The following TENM2 variants were observed in gnomAD, a reference collection of about 807,000 sequenced individuals.
The protein encoded by TENM2 is teneurin-2.
Under a neutral mutation model 245.2 loss-of-function variants are expected in TENM2, and 52 were observed. The observed-to-expected ratio is 0.21, with a 90% confidence interval of 0.17 to 0.27. The LOEUF is 0.27. Among genes scored for constraint, TENM2 ranks in the 10% least tolerant of loss-of-function variants. The pLI, the probability that TENM2 is intolerant of heterozygous loss-of-function variation, is 1.00. For missense variants in TENM2, 3,046 were observed against 3,666.8 expected (o/e 0.83, Z 4.37); for synonymous variants, 1,363 against 1,438.9 (o/e 0.95, Z 1.19).
At chr5:167,043,353 G>C in the TENM2 span, among the ~76,000 whole-genome samples, 6 of 152,182 alleles carry the variant, frequency 3.9e-5, no homozygotes, top group Non-Finnish European at 1.5e-5. Flanking sequence ...GCAATTTGCA[G>C]ATACAGTCAA....
intron 2 of TENM2, among the ~76,000 whole-genome samples, chr5:167,438,626 T>C (rs1351283674): frequency 1.3e-5 from 2 of 152,190 alleles, no homozygotes; most frequent in Non-Finnish European, 2.9e-5. Context: ...CTCGATCTCC[T>C]GACCTCGTGA....
At chr5:168,148,920 TTGATA>T (rs746738096) in intron 12 of TENM2, among the ~76,000 whole-genome samples, 9,239 of 133,824 alleles carry the variant, frequency 0.069, 308 homozygotes, top group Non-Finnish European at 0.078. Context: ...GATAGATAGA[TTGATA>T]GATAGCACAA....
the TENM2 span, among the ~76,000 whole-genome samples, chr5:167,221,956 A>AAG: frequency 6.6e-6 from 1 of 152,208 alleles, no homozygotes; most frequent in Non-Finnish European, 1.5e-5. Context: ...CAGCAAATGC[A>AAG]GTGGAATATT....
At position 168,118,199 on chromosome 5, in the gene TENM2, C is replaced by T. The variant is rs150806603; in HGVS notation, c.1814-93C>T. On this transcript the variant is annotated intron_variant, in intron 9 of 28. Transcript: ENST00000518659. ...CCAGCCTAGAACACTGTAAGCCAAG[C>T]CCCAAGGCCAGACAGCTCTACCTCC... 5.7e-4 allele frequency: 615 copies of T among 1,086,304 alleles called. 19 individuals carry two copies. The East Asian group carries it at 0.015, about 27-fold the overall frequency. The allele number at this position is 1,086,304 out of a possible 1,614,324, so 67.3% of individuals were successfully genotyped here. A position where few individuals can be genotyped will look rare whatever the true frequency, so the allele number is the denominator to read the frequency against.
Position 167,635,633 on chromosome 5 carries a change from C to CTTTTTTTTTTTTTTTTTTTTTTT in TENM2, c.503-240346_503-240324dup, listed in dbSNP as rs76155764. Among the ~76,000 whole-genome samples the CTTTTTTTTTTTTTTTTTTTTTTT allele has an allele frequency of 6.4e-4, 48 of 74,942 alleles. 7 individuals carry two copies. Among genetic ancestry groups the CTTTTTTTTTTTTTTTTTTTTTTT allele is most frequent in the East Asian group, 3.5e-3 (6 of 1,710 alleles). The allele number at this position is 74,942 out of a possible 152,430, so 49.2% of individuals were successfully genotyped here. ...GGAATCTGGCTATGATCAGTACAGTCTTTTTTTTTTTTTTTTTTTTTTTTT... is the reference window on the plus strand; with the variant it reads ...GGAATCTGGCTATGATCAGTACAGTCTTTTTTTTTTTTTTTTTTTTTTTTTTTTTTTTTTTTTTTTTTTTTTTT... On this transcript the variant is annotated intron_variant, in intron 2 of 28. Coordinates refer to ENST00000518659, the Ensembl canonical transcript of TENM2.
intron 6 of TENM2, among the ~76,000 whole-genome samples, chr5:168,055,475 C>G (rs1789457826): frequency 6.6e-6 from 1 of 152,220 alleles, no homozygotes; most frequent in Non-Finnish European, 1.5e-5. Flanking sequence ...GCAGTTTTCT[C>G]TGACCATCGT....
At chr5:167,124,867 T>A in the TENM2 span, among the ~76,000 whole-genome samples, 2 of 152,180 alleles carry the variant, frequency 1.3e-5, no homozygotes. Flanking sequence ...AGATCTAAGA[T>A]AGCTAAATGT....
intron 2 of TENM2, among the ~76,000 whole-genome samples, chr5:167,872,102 G>A (rs904942385): frequency 4.0e-5 from 6 of 151,816 alleles, no homozygotes; most frequent in African/African-American, 1.5e-4. Flanking sequence ...AGACCAGCCT[G>A]GGCAACATAG....
chr5:167,676,595 G>A (rs959987551), intron 2 of TENM2, among the ~76,000 whole-genome samples: 3 of 152,046 alleles, frequency 2.0e-5, no homozygotes, highest in Admixed American at 1.3e-4. Flanking sequence ...GAGTGATCAC[G>A]GTTAAGGGGT....
intron 2 of TENM2, among the ~76,000 whole-genome samples, chr5:167,737,555 C>G (rs1561722275): frequency 6.6e-6 from 1 of 152,138 alleles, no homozygotes; most frequent in South Asian, 2.1e-4. Context: ...TTAATGTGTA[C>G]CCGCTGAGGG....
intron 2 of TENM2, among the ~76,000 whole-genome samples, chr5:167,779,735 G>A (rs1165881502): frequency 6.6e-6 from 1 of 152,186 alleles, no homozygotes; most frequent in African/African-American, 2.4e-5. Flanking sequence ...GAACAAACAA[G>A]TCTCAGAGAG....
At chr5:167,923,487 A>T (rs1303273325) in intron 3 of TENM2, among the ~76,000 whole-genome samples, 1 of 152,196 alleles carries the variant, frequency 6.6e-6, no homozygotes, top group Non-Finnish European at 1.5e-5. Flanking sequence ...AATTACCTGT[A>T]TAATCTCAGA....
intron 1 of TENM2, among the ~76,000 whole-genome samples, chr5:167,337,112 A>G (rs1302883393): frequency 9.1e-6 from 1 of 109,430 alleles, no homozygotes; most frequent in Admixed American, 1.4e-4. Flanking sequence ...CGACAGAGGG[A>G]GACTCCGTCT....
chr5:167,998,297 C>T (rs1408332038), intron 5 of TENM2, among the ~76,000 whole-genome samples: 1 of 152,186 alleles, frequency 6.6e-6, no homozygotes, highest in Non-Finnish European at 1.5e-5. Context: ...GGTTTTCCAA[C>T]AGATTGTAAT....
At chr5:167,960,236 G>A (rs750510927) in intron 4 of TENM2, among the ~76,000 whole-genome samples, 6 of 152,218 alleles carry the variant, frequency 3.9e-5, no homozygotes, top group Non-Finnish European at 4.4e-5. Flanking sequence ...TGGGAGATCC[G>A]CTGCTCTCTT....
the TENM2 span, among the ~76,000 whole-genome samples, chr5:166,991,385 C>G: frequency 6.6e-6 from 1 of 150,436 alleles, no homozygotes; most frequent in East Asian, 1.9e-4. Context: ...TTTTTTTTCT[C>G]TAGGGGGAAA....
the TENM2 span, among the ~76,000 whole-genome samples, chr5:167,011,435 C>T: frequency 6.6e-6 from 1 of 152,190 alleles, no homozygotes; most frequent in Admixed American, 6.5e-5. Context: ...AGTGCATGGA[C>T]AGGCACAGAG....
At chr5:167,520,602 G>A (rs1047344638) in intron 2 of TENM2, among the ~76,000 whole-genome samples, 1 of 152,048 alleles carries the variant, frequency 6.6e-6, no homozygotes, top group Non-Finnish European at 1.5e-5. Flanking sequence ...AAAATAGATT[G>A]TTCCTGATAC....
intron 1 of TENM2, among the ~76,000 whole-genome samples, chr5:167,350,750 A>G (rs865860897): frequency 7.1e-6 from 1 of 141,040 alleles, no homozygotes; most frequent in Non-Finnish European, 1.5e-5. Context: ...TATATATGGG[A>G]TATATACATA....
Sources: gnomAD v4.1 joint callset for allele counts (sites outside exome capture counted in the v4.1 genomes callset) on GRCh38, gnomAD v4.1.1 for gene constraint, MANE v1.5 for transcripts, NCBI Gene and HGNC (gene_info 2026-07-23, HGNC 2026-07-21) for gene names.